DOCK4: variants seen among roughly 807,000 people sequenced by gnomAD.
DOCK4 encodes the protein dedicator of cytokinesis protein 4.
A neutral mutation model predicts 268.1 loss-of-function variants in DOCK4; 97 were observed. The observed-to-expected ratio is 0.36, with a 90% CI of 0.31 to 0.43. The LOEUF (loss-of-function observed/expected upper bound fraction) is 0.43, where lower values mean the gene tolerates loss of function less well. DOCK4 is among the 20% of genes least tolerant of loss of function. The probability of loss-of-function intolerance (pLI) is 1.00; values close to 1 mark genes in which losing one functional copy is unlikely to be tolerated. For missense variants in DOCK4, 2,145 were observed against 2,455.7 expected, an observed-to-expected ratio of 0.87 and a Z score of 2.67; for synonymous variants, 954 against 887.2, an observed-to-expected ratio of 1.08 and a Z score of -1.34.
At chr7:112,042,011 G>A (rs189467948) in intron 1 of DOCK4, among the ~76,000 whole-genome samples, 2 of 152,292 alleles carry the variant, frequency 1.3e-5, no homozygotes, top group Non-Finnish European at 1.5e-5. Context: ...TGTAGTCCTA[G>A]CTACTCAGGA....
At chr7:111,921,439 T>C (rs1793128276) in intron 12 of DOCK4, among the ~76,000 whole-genome samples, 1 of 152,198 alleles carries the variant, frequency 6.6e-6, no homozygotes, top group African/African-American at 2.4e-5. Flanking sequence ...ACATTAAAAA[T>C]GGAAAGCATA....
intron 30 of DOCK4, among the ~76,000 whole-genome samples, chr7:111,799,415 C>T (rs1472800998): frequency 1.3e-5 from 2 of 152,186 alleles, no homozygotes; most frequent in East Asian, 1.9e-4. Context: ...CACCTTTATT[C>T]GACCCAAGAC....
intron 6 of DOCK4, among the ~76,000 whole-genome samples, chr7:111,987,968 T>C (rs1173431717): frequency 6.6e-6 from 1 of 152,236 alleles, no homozygotes; most frequent in African/African-American, 2.4e-5. Context: ...AATCTGTTAG[T>C]AGGTCTGGGT....
At chr7:111,753,752 T>C (rs192579275) in intron 42 of DOCK4, among the ~76,000 whole-genome samples, 2 of 152,262 alleles carry the variant, frequency 1.3e-5, no homozygotes, top group South Asian at 2.1e-4. Flanking sequence ...AGGAAACCAA[T>C]AGCTTTAATC....
In DOCK4 at chr7:112,018,180, A is replaced by AC. The variant is rs1802019420; in HGVS notation, c.38-14050dup. Among the ~76,000 whole-genome samples the AC allele has an allele frequency of 2.9e-5, 3 of 103,156 alleles. 1 individual carries two copies. The highest frequency in any genetic ancestry group is 5.8e-5 in the Non-Finnish European group (3 of 52,122). 67.7% of individuals were successfully genotyped at this position (103,156 alleles called of 152,430 possible). On this transcript the variant is annotated intron_variant, in intron 1 of 52. Transcript: ENST00000428084. ...AAAAAAAAAAAAAAAAAAAAAAAAA[A>AC]CACAGGCAACCAGTATTCATGTGGC...
At chr7:112,097,811 T>C (rs747028764) in intron 1 of DOCK4, among the ~76,000 whole-genome samples, 1 of 152,220 alleles carries the variant, frequency 6.6e-6, no homozygotes, top group African/African-American at 2.4e-5. Flanking sequence ...AATGCCAGAA[T>C]GTCAAAGTAA....
chr7:112,080,259 A>G (rs1808459219), intron 1 of DOCK4, among the ~76,000 whole-genome samples: 1 of 152,182 alleles, frequency 6.6e-6, no homozygotes, highest in South Asian at 2.1e-4. Context: ...TATATGTCAT[A>G]AACATTTCAT....
At chr7:111,784,584 T>C (rs922589597) in intron 32 of DOCK4, 5 of 414,442 alleles carry the variant, frequency 1.2e-5, no homozygotes, top group African/African-American at 2.0e-5. Flanking sequence ...TTCCATGTGG[T>C]TGTTACAGCA....
Position 111,727,022 on chromosome 7 carries a change from G to A in DOCK4, c.*1252C>T, listed in dbSNP as rs1162145745. On this transcript the variant is annotated 3_prime_UTR_variant, in exon 53 of 53. Coordinates refer to ENST00000428084, the MANE Select transcript of DOCK4 (RefSeq NM_001363540.2). The stretch of plus-strand genomic sequence containing the variant: ...ATTTAACAGTATGATTTAAAATACA[G>A]TTCATATCTATTGTCAATTGAGTGT... 1 of 152,540 alleles carries A rather than the reference G, an allele frequency of 6.6e-6. No homozygotes were observed. Among genetic ancestry groups the A allele is most frequent in the East Asian group, 1.9e-4 (1 of 5,198 alleles). 9.4% of individuals were successfully genotyped at this position (152,540 alleles called of 1,614,324 possible). A position where few individuals can be genotyped will look rare whatever the true frequency, so the allele number is the denominator to read the frequency against.
chr7:111,780,664 T>G (rs1330071905), intron 35 of DOCK4, among the ~76,000 whole-genome samples: 1 of 152,222 alleles, frequency 6.6e-6, no homozygotes, highest in Non-Finnish European at 1.5e-5. Flanking sequence ...TTAAAACCAA[T>G]TTAACCCCGA....
intron 27 of DOCK4, chr7:111,820,944 T>C (rs1801925883): frequency 6.6e-6 from 1 of 152,136 alleles, no homozygotes; most frequent in Non-Finnish European, 1.5e-5. Flanking sequence ...CCTAAATCTG[T>C]AGCATGCGGA....
intron 1 of DOCK4, among the ~76,000 whole-genome samples, chr7:112,062,892 A>T (rs1212449371): frequency 1.3e-5 from 2 of 152,048 alleles, no homozygotes; most frequent in Non-Finnish European, 2.9e-5. Context: ...TTAGCCAGGA[A>T]GATCTCTATC....
intron 36 of DOCK4, among the ~76,000 whole-genome samples, chr7:111,771,816 G>A (rs184581604): frequency 1.3e-5 from 2 of 152,268 alleles, no homozygotes; most frequent in African/African-American, 4.8e-5. Context: ...GGGCCTCACA[G>A]CTTGTGCCTG....
chr7:112,202,208 A>G (rs1821006418), intron 1 of DOCK4, among the ~76,000 whole-genome samples: 1 of 152,234 alleles, frequency 6.6e-6, no homozygotes, highest in Non-Finnish European at 1.5e-5. Context: ...TATACCAAGC[A>G]GTGGAATTGT....
chr7:112,047,189 T>C (rs777413850), intron 1 of DOCK4, among the ~76,000 whole-genome samples: 1 of 152,176 alleles, frequency 6.6e-6, no homozygotes, highest in Non-Finnish European at 1.5e-5. Context: ...GACTAAATGA[T>C]ACTCTGCCCC....
intron 1 of DOCK4, among the ~76,000 whole-genome samples, chr7:112,104,400 G>C (rs1810956619): frequency 6.6e-6 from 1 of 152,084 alleles, no homozygotes. Flanking sequence ...CTAATCATTA[G>C]AGTGCAGCCC....
In DOCK4 at chr7:111,741,189, G is replaced by C; in HGVS notation, c.4945C>G (p.Arg1649Gly). 1.2e-6 allele frequency: 2 copies of C among 1,613,890 alleles called. No individual in the cohort carries two copies. Among genetic ancestry groups the C allele is most frequent in the Non-Finnish European group, 1.7e-6 (2 of 1,179,884 alleles). ...RSPLSYPAVN[R>G]YSSSSLSSQA... ...GAGGACAGTGAGGAGGAAGAATATC[G>C]GTTGACAGCTGGGTAACTTAACGGG... The change falls in exon 47 of 53, where the codon CGA (arginine) becomes GGA (glycine). Residue 1649 changes from arginine (R) to glycine (G), a missense_variant. Coordinates refer to ENST00000428084, the MANE Select transcript of DOCK4 (RefSeq NM_001363540.2).
chr7:111,892,731 G>A (rs1040915657), intron 16 of DOCK4, among the ~76,000 whole-genome samples: 9 of 152,240 alleles, frequency 5.9e-5, no homozygotes, highest in Admixed American at 1.3e-4. Context: ...CTTTCCTGTC[G>A]TGGCAGAAGA....
At chr7:111,820,440 T>C (rs1214273521) in intron 27 of DOCK4, 1 of 152,204 alleles carries the variant, frequency 6.6e-6, no homozygotes, top group Non-Finnish European at 1.5e-5. Flanking sequence ...TAACCTTCTG[T>C]TTAAATGTAT....
Sources: gnomAD v4.1 joint callset for allele counts (sites outside exome capture counted in the v4.1 genomes callset) on GRCh38, gnomAD v4.1.1 for gene constraint, MANE v1.5 for transcripts, NCBI Gene and HGNC (gene_info 2026-07-23, HGNC 2026-07-21) for gene names.